Variants in DPP10 observed in about 807,000 individuals in gnomAD.
DPP10 encodes dipeptidyl peptidase like 10.
Under a neutral mutation model 120.9 loss-of-function variants are expected in DPP10, and 33 were observed. The ratio of observed to expected loss-of-function variants is 0.27; its 90% CI spans 0.21 to 0.37. The LOEUF (loss-of-function observed/expected upper bound fraction) is 0.37, where lower values mean the gene tolerates loss of function less well. Ranked by LOEUF, DPP10 falls within the 10% of genes least tolerant of loss-of-function variation. The probability of loss-of-function intolerance (pLI) is 1.00; values close to 1 mark genes in which losing one functional copy is unlikely to be tolerated. For synonymous variants in DPP10, 337 were observed against 326.1 expected, an observed-to-expected ratio of 1.03 and a Z score of -0.36; for missense variants, 816 against 942.8, an observed-to-expected ratio of 0.87 and a Z score of 1.76.
rs1052534612 is a variant in DPP10, at chr2:115,601,637, G to A, written c.441+75665G>A. Among the ~76,000 whole-genome samples, 6 of 152,104 alleles carry A rather than the reference G, an allele frequency of 3.9e-5. No homozygotes were observed. In the South Asian group the frequency reaches 1.0e-3, roughly 26 times the overall value. On this transcript the variant is annotated intron_variant, in intron 5 of 25. Coordinates refer to ENST00000410059, the MANE Select transcript of DPP10 (RefSeq NM_020868.6). ...AATGAGCTTGGATGTGGATTTAGAAGGTCTAATTCCCAACTAGTTGAATAA... is the reference window on the plus strand; with the variant it reads ...AATGAGCTTGGATGTGGATTTAGAAAGTCTAATTCCCAACTAGTTGAATAA...
chr2:115,478,659 A>G (rs951130529), intron 3 of DPP10, among the ~76,000 whole-genome samples: 1 of 152,194 alleles, frequency 6.6e-6, no homozygotes, highest in African/African-American at 2.4e-5. Flanking sequence ...TATCTATGGT[A>G]AGGGATTAAT....
chr2:114,532,248 T>A (rs1312356052), intron 1 of DPP10, among the ~76,000 whole-genome samples: 1 of 113,128 alleles, frequency 8.8e-6, no homozygotes, highest in African/African-American at 3.5e-5. Flanking sequence ...ATTCCCATAA[T>A]AAATCTCCAT....
At chr2:115,637,841 G>T (rs2086473340) in intron 5 of DPP10, among the ~76,000 whole-genome samples, 1 of 152,204 alleles carries the variant, frequency 6.6e-6, no homozygotes, top group Non-Finnish European at 1.5e-5. Flanking sequence ...GAAAAATTAA[G>T]CCTAGACATC....
chr2:115,342,153 ACT>A (rs1335284083), intron 2 of DPP10: 1 of 453,342 alleles, frequency 2.2e-6, no homozygotes, highest in Non-Finnish European at 4.4e-6. Context: ...CTCATTAAGC[ACT>A]CTCTATCCTT....
chr2:115,473,930 A>G (rs915484505), intron 3 of DPP10, among the ~76,000 whole-genome samples: 1 of 152,204 alleles, frequency 6.6e-6, no homozygotes, highest in African/African-American at 2.4e-5. Context: ...GATGGGATAT[A>G]GAATCAGTGA....
At chr2:115,554,960 C>T (rs1294794352) in intron 5 of DPP10, among the ~76,000 whole-genome samples, 3 of 152,184 alleles carry the variant, frequency 2.0e-5, no homozygotes, top group Non-Finnish European at 4.4e-5. Context: ...CCTTCTAATA[C>T]AGGGGCAGCT....
chr2:114,707,851 G>T (rs745914706), intron 1 of DPP10, among the ~76,000 whole-genome samples: 2 of 152,138 alleles, frequency 1.3e-5, no homozygotes, highest in Non-Finnish European at 2.9e-5. Context: ...AGAATTCTAT[G>T]CACCAGTGTC....
At chr2:115,804,136 A>G (rs578083016) in intron 19 of DPP10, among the ~76,000 whole-genome samples, 1 of 152,038 alleles carries the variant, frequency 6.6e-6, no homozygotes, top group South Asian at 2.1e-4. Context: ...ATTTCTTTTT[A>G]TTCTTTTTTC....
chr2:115,712,346 A>G (rs2092345534), intron 7 of DPP10, among the ~76,000 whole-genome samples: 1 of 150,738 alleles, frequency 6.6e-6, no homozygotes, highest in African/African-American at 2.4e-5. Context: ...TCAAGCAGGA[A>G]TGTGAGCGAT....
chr2:115,360,885 G>A (rs552970436), intron 3 of DPP10, among the ~76,000 whole-genome samples: 3 of 152,308 alleles, frequency 2.0e-5, no homozygotes, highest in African/African-American at 7.2e-5. Flanking sequence ...GGGCAGTGTT[G>A]CTGTGGGTGT....
At chr2:114,513,243 C>A (rs1684298256) in intron 1 of DPP10, among the ~76,000 whole-genome samples, 1 of 152,166 alleles carries the variant, frequency 6.6e-6, no homozygotes, top group Non-Finnish European at 1.5e-5. Context: ...ACCTTTACAG[C>A]TGGGCACGGT....
intron 1 of DPP10, among the ~76,000 whole-genome samples, chr2:115,029,998 T>C (rs953098933): frequency 3.3e-5 from 5 of 152,144 alleles, no homozygotes; most frequent in Non-Finnish European, 7.4e-5. Flanking sequence ...ATGCAGTCTT[T>C]CCATTTCCAG....
At chr2:115,833,488 C>A (rs1031779390) in intron 21 of DPP10, among the ~76,000 whole-genome samples, 2 of 152,192 alleles carry the variant, frequency 1.3e-5, no homozygotes, top group African/African-American at 2.4e-5. Context: ...AGGGACAACA[C>A]TTTCAAGAGC....
intron 19 of DPP10, among the ~76,000 whole-genome samples, chr2:115,813,727 T>G (rs997488333): frequency 6.6e-6 from 1 of 152,210 alleles, no homozygotes; most frequent in Non-Finnish European, 1.5e-5. Flanking sequence ...AAAGGTTATT[T>G]GCTGTAGGAA....
At chr2:115,669,126 G>A (rs894720222) in intron 5 of DPP10, among the ~76,000 whole-genome samples, 1 of 152,028 alleles carries the variant, frequency 6.6e-6, no homozygotes, top group Admixed American at 6.6e-5. Flanking sequence ...TATTGTTACT[G>A]TTATTGAGTA....
At chr2:114,542,661 T>C (rs1687051112) in intron 1 of DPP10, among the ~76,000 whole-genome samples, 1 of 152,244 alleles carries the variant, frequency 6.6e-6, no homozygotes, top group Non-Finnish European at 1.5e-5. Context: ...GGGTGTCTAC[T>C]TAGGCAAGGA....
chr2:115,502,118 CATCTT>C (rs2148799303), intron 4 of DPP10, among the ~76,000 whole-genome samples: 1 of 152,062 alleles, frequency 6.6e-6, no homozygotes, highest in Non-Finnish European at 1.5e-5. Flanking sequence ...GATAATTTGA[CATCTT>C]AATTTATCTT....
At chr2:115,708,647 T>G (rs1200864112) in intron 7 of DPP10, among the ~76,000 whole-genome samples, 1 of 151,986 alleles carries the variant, frequency 6.6e-6, no homozygotes, top group Non-Finnish European at 1.5e-5. Flanking sequence ...GGGGAAAATT[T>G]TCACCATCTT....
At chr2:114,756,713 T>C (rs1024826928) in intron 1 of DPP10, among the ~76,000 whole-genome samples, 1 of 151,802 alleles carries the variant, frequency 6.6e-6, no homozygotes, top group Admixed American at 6.6e-5. Flanking sequence ...CTCATCCTCA[T>C]AGGACCTCAG....
Sources: gnomAD v4.1 joint callset for allele counts (sites outside exome capture counted in the v4.1 genomes callset) on GRCh38, gnomAD v4.1.1 for gene constraint, MANE v1.5 for transcripts, NCBI Gene and HGNC (gene_info 2026-07-23, HGNC 2026-07-21) for gene names.